C1orf21: variants seen among roughly 807,000 people sequenced by gnomAD.
The protein encoded by C1orf21 is uncharacterized protein C1orf21.
C1orf21 carries 3 observed loss-of-function variants against 18.7 expected under a neutral mutation model. The observed-to-expected ratio is 0.16, with a 90% CI of 0.07 to 0.42. C1orf21 has a LOEUF of 0.42. Among genes scored for constraint, C1orf21 ranks in the 10% least tolerant of loss-of-function variants. The pLI, the probability that C1orf21 is intolerant of heterozygous loss-of-function variation, is 0.99. For synonymous variants in C1orf21, 41 were observed against 46.4 expected (o/e 0.88, Z 0.47); for missense variants, 104 against 143.6 (o/e 0.72, Z 1.41).
chr1:184,616,014 T>A (rs752378951), intron 5 of C1orf21, among the ~76,000 whole-genome samples: 1 of 152,204 alleles, frequency 6.6e-6, no homozygotes, highest in Non-Finnish European at 1.5e-5. Context: ...TACTGTGCTG[T>A]TGAACACTAG....
intron 3 of C1orf21, among the ~76,000 whole-genome samples, chr1:184,510,360 C>A (rs532125181): frequency 1.3e-5 from 2 of 152,276 alleles, no homozygotes; most frequent in East Asian, 3.9e-4. Context: ...ACCACTGATC[C>A]TCAGGGTGCT....
intron 1 of C1orf21, among the ~76,000 whole-genome samples, chr1:184,444,930 C>T (rs191585228): frequency 3.2e-4 from 48 of 152,140 alleles, no homozygotes; most frequent in Admixed American, 3.1e-3. Context: ...GTATCCTCAG[C>T]GTATTAACAC....
chr1:184,411,477 A>G (rs947023791), intron 1 of C1orf21, among the ~76,000 whole-genome samples: 1 of 130,056 alleles, frequency 7.7e-6, no homozygotes, highest in African/African-American at 3.0e-5. Flanking sequence ...GCTGGAGTGC[A>G]GTGGTGCAAT....
chr1:184,438,519 A>G (rs1656893841), intron 1 of C1orf21, among the ~76,000 whole-genome samples: 1 of 152,232 alleles, frequency 6.6e-6, no homozygotes, highest in South Asian at 2.1e-4. Flanking sequence ...CTCCATGTAG[A>G]AAATGATCAT....
Position 184,415,137 on chromosome 1 carries a change from G to A in C1orf21, c.-125+27769G>A, listed in dbSNP as rs143191254. The stretch of plus-strand genomic sequence containing the variant: ...ATGACATTGTTCCAGGCACTGGAGC[G>A]TGGCCGTTGAGTAAAGTTGTGGGGT... On this transcript the variant is annotated intron_variant, in intron 1 of 5. Transcript: ENST00000235307. Among the ~76,000 whole-genome samples the A allele has an allele frequency of 2.9e-4, 44 of 152,284 alleles. No individual in the cohort carries two copies. In the East Asian group the frequency reaches 7.7e-3, roughly 27 times the overall value.
At chr1:184,523,118 A>G (rs1018654938) in intron 3 of C1orf21, among the ~76,000 whole-genome samples, 3 of 152,256 alleles carry the variant, frequency 2.0e-5, no homozygotes, top group African/African-American at 4.8e-5. Flanking sequence ...ATTTATGTAG[A>G]TAGTCTACCC....
intron 3 of C1orf21, among the ~76,000 whole-genome samples, chr1:184,559,763 G>A (rs750627262): frequency 2.1e-4 from 32 of 152,022 alleles, no homozygotes; most frequent in Non-Finnish European, 2.9e-4. Context: ...GACTACAGGT[G>A]CATGCCACCA....
intron 1 of C1orf21, among the ~76,000 whole-genome samples, chr1:184,389,173 G>A (rs991353810): frequency 1.3e-5 from 2 of 151,950 alleles, no homozygotes; most frequent in African/African-American, 4.8e-5. Context: ...ACCTGCTTCA[G>A]AGAACAGTCC....
intron 2 of C1orf21, among the ~76,000 whole-genome samples, chr1:184,495,913 GTC>G (rs1657886242): frequency 8.9e-6 from 1 of 112,472 alleles, no homozygotes; most frequent in Admixed American, 1.1e-4. Context: ...GTGAGACTCT[GTC>G]TCAAAAAAAA....
chr1:184,502,984 G>A (rs1657999816), intron 2 of C1orf21, among the ~76,000 whole-genome samples: 1 of 150,924 alleles, frequency 6.6e-6, no homozygotes, highest in Non-Finnish European at 1.5e-5. Context: ...ATGCTGAGGT[G>A]GGAGGATCAC....
chr1:184,532,022 T>C (rs924780206), intron 3 of C1orf21, among the ~76,000 whole-genome samples: 1 of 152,162 alleles, frequency 6.6e-6, no homozygotes, highest in Admixed American at 6.5e-5. Flanking sequence ...TGATTGAACT[T>C]TTCAGACAAT....
intron 4 of C1orf21, among the ~76,000 whole-genome samples, chr1:184,596,624 C>T (rs180680308): frequency 1.5e-3 from 229 of 152,256 alleles, no homozygotes; most frequent in African/African-American, 5.3e-3. Context: ...AATCCAAGCA[C>T]TTTAGGAGGC....
chr1:184,417,355 TC>T (rs58705104), intron 1 of C1orf21, among the ~76,000 whole-genome samples: 1 of 152,080 alleles, frequency 6.6e-6, no homozygotes, highest in Non-Finnish European at 1.5e-5. Flanking sequence ...AATACACCCC[TC>T]CCCCAAAGAC....
intron 1 of C1orf21, among the ~76,000 whole-genome samples, chr1:184,389,239 G>A (rs1235801589): frequency 6.6e-6 from 1 of 152,034 alleles, no homozygotes; most frequent in Non-Finnish European, 1.5e-5. Flanking sequence ...TGGGTGGGTG[G>A]GTGCCTGAGG....
intron 5 of C1orf21, among the ~76,000 whole-genome samples, chr1:184,615,205 A>G (rs1482124214): frequency 1.3e-5 from 2 of 152,176 alleles, no homozygotes; most frequent in Non-Finnish European, 2.9e-5. Flanking sequence ...ATCAACTTAC[A>G]CTTCCAGGAG....
chr1:184,600,177 CT>C (rs201286816), intron 5 of C1orf21, among the ~76,000 whole-genome samples: 1 of 147,952 alleles, frequency 6.8e-6, no homozygotes, highest in Non-Finnish European at 1.5e-5. Context: ...TTTTTTTTTT[CT>C]TTTTTTTGAG....
Position 184,623,753 on chromosome 1 carries a change from A to C in C1orf21, c.*4197A>C. The C allele has an allele frequency of 6.5e-6, 1 of 152,788 alleles. No individual in the cohort carries two copies. 9.5% of individuals were successfully genotyped at this position (152,788 alleles called of 1,614,324 possible). A position where few individuals can be genotyped will look rare whatever the true frequency, so the allele number is the denominator to read the frequency against. ...GGATGTATTTTTCCAAGGGGGGAAT[A>C]GTATCCTTGACTTTGGCAGTCACCT... On this transcript the variant is annotated 3_prime_UTR_variant, in exon 6 of 6. Coordinates refer to ENST00000235307, the MANE Select transcript of C1orf21 (RefSeq NM_030806.4).
At chr1:184,519,290 G>A (rs1658272885) in intron 3 of C1orf21, among the ~76,000 whole-genome samples, 1 of 152,168 alleles carries the variant, frequency 6.6e-6, no homozygotes, top group African/African-American at 2.4e-5. Context: ...GTAAAGGATA[G>A]CATCTAGTTT....
At chr1:184,392,078 C>A (rs541712584) in intron 1 of C1orf21, among the ~76,000 whole-genome samples, 1 of 152,200 alleles carries the variant, frequency 6.6e-6, no homozygotes, top group African/African-American at 2.4e-5. Flanking sequence ...ATTTGACAGG[C>A]GTTCCTTCCC....
Sources: allele counts gnomAD v4.1 joint callset (sites outside exome capture counted in the v4.1 genomes callset), GRCh38; gene constraint gnomAD v4.1.1; transcripts MANE v1.5; gene names NCBI Gene and HGNC (gene_info 2026-07-23, HGNC 2026-07-21).